The following FAF1 variants were observed in gnomAD, a reference collection of about 807,000 sequenced individuals.
The protein encoded by FAF1 is FAS-associated factor 1.
Under a neutral mutation model 92.5 loss-of-function variants are expected in FAF1, and 25 were observed. The ratio of observed to expected loss-of-function variants is 0.27; its 90% CI spans 0.20 to 0.38. The LOEUF (loss-of-function observed/expected upper bound fraction) is 0.38, where lower values mean the gene tolerates loss of function less well. Ranked by LOEUF, FAF1 falls within the 10% of genes least tolerant of loss-of-function variation. The probability of loss-of-function intolerance (pLI) is 1.00; values close to 1 mark genes in which losing one functional copy is unlikely to be tolerated. For synonymous variants in FAF1, 234 were observed against 273.2 expected (o/e 0.86, Z 1.42); for missense variants, 636 against 793.3 (o/e 0.80, Z 2.38).
At chr1:50,656,233 G>A (rs977497103) in intron 7 of FAF1, among the ~76,000 whole-genome samples, 1 of 151,904 alleles carries the variant, frequency 6.6e-6, no homozygotes, top group Admixed American at 6.6e-5. Flanking sequence ...TTGGGAGGCT[G>A]AGGCAGGAGA....
chr1:50,847,121 C>A (rs756234718), intron 2 of FAF1, among the ~76,000 whole-genome samples: 24 of 152,224 alleles, frequency 1.6e-4, no homozygotes, highest in Middle Eastern at 6.8e-3. Flanking sequence ...AACAGTAACA[C>A]CATTCTGAAG....
At chr1:50,618,414 G>GTTTTTTTTTTTTT (rs540421778) in intron 8 of FAF1, among the ~76,000 whole-genome samples, 8 of 111,894 alleles carry the variant, frequency 7.1e-5, no homozygotes, top group Non-Finnish European at 1.4e-4. Context: ...AGTTTTTAGA[G>GTTTTTTTTTTTTT]TTTTTTTTTT....
In FAF1 at chr1:50,819,740, C is replaced by T. The variant is rs867183255; in HGVS notation, c.115-18063G>A. Among the ~76,000 whole-genome samples the T allele has an allele frequency of 2.0e-3, 55 of 27,974 alleles. 2 individuals carry two copies. The highest frequency in any genetic ancestry group is 6.9e-3 in the African/African-American group (49 of 7,060). The allele number at this position is 27,974 out of a possible 152,430, so 18.4% of individuals were successfully genotyped here. ...ACGTATATATATATACATATATATA[C>T]ATATATATATACATATATATATACG... On this transcript the variant is annotated intron_variant, in intron 2 of 18. Coordinates refer to ENST00000396153, the MANE Select transcript of FAF1 (RefSeq NM_007051.3).
Position 50,457,310 on chromosome 1 carries a change from G to T in FAF1, c.1870-15787C>A, listed in dbSNP as rs548731295. ...GGTGAAGTAGGCTGGGGCTGCAGTT[G>T]GCACTGCGGTGAGGTCCTGGGGAAT... On this transcript the variant is annotated intron_variant, in intron 18 of 18. Coordinates refer to ENST00000396153, the MANE Select transcript of FAF1 (RefSeq NM_007051.3). Among the ~76,000 whole-genome samples the T allele has an allele frequency of 8.5e-5, 13 of 152,260 alleles. No homozygotes were observed. In the South Asian group the frequency reaches 2.3e-3, roughly 27 times the overall value.
At position 50,726,930 on chromosome 1, in the gene FAF1, T is replaced by C. The variant is rs1322598086; in HGVS notation, c.551+11933A>G. Among the ~76,000 whole-genome samples, 5 of 152,370 alleles carry C rather than the reference T, an allele frequency of 3.3e-5. No individual in the cohort carries two copies. The East Asian group carries it at 7.7e-4, about 23-fold the overall frequency. Reference sequence around the variant, plus strand: ...TAAAGCAAGTTGCAAAGACTGTCTTTTATTATCAAGACATTTCTTCAGTCC... The same window carrying C: ...TAAAGCAAGTTGCAAAGACTGTCTTCTATTATCAAGACATTTCTTCAGTCC... On this transcript the variant is annotated intron_variant, in intron 6 of 18. Transcript: ENST00000396153.
intron 1 of FAF1, among the ~76,000 whole-genome samples, chr1:50,858,703 T>C (rs756179213): frequency 6.6e-6 from 1 of 151,854 alleles, no homozygotes; most frequent in Non-Finnish European, 1.5e-5. Flanking sequence ...TTAACATAAA[T>C]ACTAAGAAAA....
intron 18 of FAF1, among the ~76,000 whole-genome samples, chr1:50,452,854 A>G (rs1646309917): frequency 6.6e-6 from 1 of 152,214 alleles, no homozygotes; most frequent in Admixed American, 6.5e-5. Context: ...ACCTCTTACC[A>G]TGAGATAAGA....
At chr1:50,488,513 C>T (rs536449031) in intron 17 of FAF1, among the ~76,000 whole-genome samples, 4 of 152,064 alleles carry the variant, frequency 2.6e-5, no homozygotes, top group African/African-American at 4.8e-5. Flanking sequence ...CATGTGTGAA[C>T]GACAGCATAA....
intron 2 of FAF1, among the ~76,000 whole-genome samples, chr1:50,814,311 G>C (rs1643945645): frequency 6.6e-6 from 1 of 152,078 alleles, no homozygotes; most frequent in African/African-American, 2.4e-5. Flanking sequence ...GCATATTAGT[G>C]TATGCTATAT....
rs1029272880 is a variant in FAF1 at position 50,853,949 on chromosome 1, T to C, written c.114+3980A>G. ...TAGGACAAAATAGATCCTTCAGAAA[T>C]ACTTCATATATCATGGAAGCTTGAG... On this transcript the variant is annotated intron_variant, in intron 2 of 18. Coordinates refer to ENST00000396153, the MANE Select transcript of FAF1 (RefSeq NM_007051.3). Among the ~76,000 whole-genome samples, 16 of 152,042 alleles carry C rather than the reference T, an allele frequency of 1.1e-4. No individual in the cohort carries two copies. The East Asian group carries it at 3.1e-3, about 29-fold the overall frequency.
intron 6 of FAF1, among the ~76,000 whole-genome samples, chr1:50,715,588 ACTT>A (rs1460728439): frequency 1.3e-5 from 2 of 152,196 alleles, no homozygotes; most frequent in Non-Finnish European, 2.9e-5. Flanking sequence ...TTTTAGTAAA[ACTT>A]CTTTTCTCTA....
At chr1:50,551,809 T>C (rs891997519) in intron 13 of FAF1, among the ~76,000 whole-genome samples, 1 of 152,188 alleles carries the variant, frequency 6.6e-6, no homozygotes, top group Admixed American at 6.5e-5. Flanking sequence ...TGCTACCAAA[T>C]TGAGAGTAGT....
At chr1:50,881,593 G>A (rs1265177065) in intron 1 of FAF1, among the ~76,000 whole-genome samples, 2 of 152,176 alleles carry the variant, frequency 1.3e-5, no homozygotes, top group African/African-American at 4.8e-5. Context: ...GGGGATTTGA[G>A]TAAATACTTC....
intron 15 of FAF1, among the ~76,000 whole-genome samples, chr1:50,525,544 TTTTA>T (rs1489018449): frequency 5.3e-5 from 8 of 152,238 alleles, no homozygotes; most frequent in Non-Finnish European, 1.2e-4. Context: ...TCTGTATGCC[TTTTA>T]TTTCTTTTTC....
intron 7 of FAF1, among the ~76,000 whole-genome samples, chr1:50,676,284 G>C (rs768643825): frequency 6.6e-6 from 1 of 152,010 alleles, no homozygotes; most frequent in Non-Finnish European, 1.5e-5. Flanking sequence ...GCAGGCAGCT[G>C]TAATCCCAGC....
chr1:50,503,617 TAA>T (rs780355888), intron 15 of FAF1, among the ~76,000 whole-genome samples: 7 of 128,526 alleles, frequency 5.4e-5, no homozygotes, highest in Admixed American at 2.4e-4. Flanking sequence ...CCTGTCTCTT[TAA>T]AAAAAAAAAA....
intron 1 of FAF1, among the ~76,000 whole-genome samples, chr1:50,876,088 A>T (rs569748719): frequency 6.6e-6 from 1 of 152,366 alleles, no homozygotes; most frequent in African/African-American, 2.4e-5. Flanking sequence ...TAAAATGTGT[A>T]AAACGACTAA....
Position 50,567,062 on chromosome 1 carries a change from G to T in FAF1, c.1268+15C>A. On this transcript the variant is annotated intron_variant, in intron 13 of 18. Coordinates refer to ENST00000396153, the MANE Select transcript of FAF1 (RefSeq NM_007051.3). ...AATAGAAGCCCAACTTGTAACTTGTGAACAACAGTATTACCTTGCTCTGTT... is the reference window on the plus strand; with the variant it reads ...AATAGAAGCCCAACTTGTAACTTGTTAACAACAGTATTACCTTGCTCTGTT... 1 of 1,521,898 alleles carries T rather than the reference G, an allele frequency of 6.6e-7. No homozygotes were observed. Among genetic ancestry groups the T allele is most frequent in the Non-Finnish European group, 8.8e-7 (1 of 1,132,536 alleles). The allele number at this position is 1,521,898 out of a possible 1,614,324, so 94.3% of individuals were successfully genotyped here.
intron 12 of FAF1, among the ~76,000 whole-genome samples, chr1:50,571,287 C>T (rs1572841531): frequency 6.6e-6 from 1 of 152,330 alleles, no homozygotes; most frequent in East Asian, 1.9e-4. Context: ...CTGATTCCCT[C>T]TCTGTAATCT....
Sources: allele counts gnomAD v4.1 joint callset (sites outside exome capture counted in the v4.1 genomes callset), GRCh38; gene constraint gnomAD v4.1.1; transcripts MANE v1.5; gene names NCBI Gene and HGNC (gene_info 2026-07-23, HGNC 2026-07-21).